The following NTN1 variants were observed in gnomAD, a reference collection of about 807,000 sequenced individuals.
NTN1 encodes netrin 1, also known as netrin-1.
NTN1 carries 11 observed loss-of-function variants against 54.2 expected under a neutral mutation model. The ratio of observed to expected loss-of-function variants is 0.20; its 90% confidence interval spans 0.13 to 0.34. NTN1 has a LOEUF of 0.34. Ranked by LOEUF, NTN1 falls within the 10% of genes least tolerant of loss-of-function variation. The pLI, the probability that NTN1 is intolerant of heterozygous loss-of-function variation, is 1.00. For synonymous variants in NTN1, 371 were observed against 382.0 expected, an observed-to-expected ratio of 0.97 and a Z score of 0.33; for missense variants, 740 against 893.1, an observed-to-expected ratio of 0.83 and a Z score of 2.18.
intron 2 of NTN1, among the ~76,000 whole-genome samples, chr17:9,148,885 A>G (rs1164408715): frequency 6.6e-6 from 1 of 151,950 alleles, no homozygotes; most frequent in Non-Finnish European, 1.5e-5. Context: ...AAAGTTAACT[A>G]AAGAGATGAA....
chr17:9,218,373 G>T (rs1716576759), intron 5 of NTN1, among the ~76,000 whole-genome samples: 1 of 152,186 alleles, frequency 6.6e-6, no homozygotes, highest in Admixed American at 6.5e-5. Context: ...TGAGAACAGT[G>T]CCCAGCGCCT....
chr17:9,209,874 G>T (rs1351559350), intron 5 of NTN1, among the ~76,000 whole-genome samples: 2 of 152,196 alleles, frequency 1.3e-5, no homozygotes, highest in African/African-American at 4.8e-5. Flanking sequence ...TGTAACCATG[G>T]TACGGAGTGG....
intron 5 of NTN1, among the ~76,000 whole-genome samples, chr17:9,185,503 G>C (rs1014337923): frequency 6.6e-6 from 1 of 152,200 alleles, no homozygotes; most frequent in African/African-American, 2.4e-5. Flanking sequence ...TGAAGGGCCA[G>C]CTCACTCAGG....
chr17:9,229,257 C>G (rs1905725639), intron 6 of NTN1, among the ~76,000 whole-genome samples: 1 of 152,114 alleles, frequency 6.6e-6, no homozygotes, highest in African/African-American at 2.4e-5. Context: ...ACCATACCGT[C>G]TGCGTGCCCC....
At chr17:9,215,193 T>C (rs1905189076) in intron 5 of NTN1, among the ~76,000 whole-genome samples, 1 of 151,938 alleles carries the variant, frequency 6.6e-6, no homozygotes, top group Non-Finnish European at 1.5e-5. Context: ...TAGTTTTTAA[T>C]ATGATCTGAA....
At chr17:9,032,963 T>TTTTC (rs1057317784) in intron 2 of NTN1, among the ~76,000 whole-genome samples, 9 of 151,246 alleles carry the variant, frequency 6.0e-5, no homozygotes, top group African/African-American at 2.2e-4. Flanking sequence ...AATCCTTTTT[T>TTTTC]TTTTTTTTTT....
chr17:9,230,517 G>A (rs1430584745), intron 6 of NTN1, among the ~76,000 whole-genome samples: 1 of 151,892 alleles, frequency 6.6e-6, no homozygotes, highest in Non-Finnish European at 1.5e-5. Context: ...GTCAGTCTGA[G>A]GTCGTGGAAT....
rs537614259 is a variant in NTN1 at position 9,210,099 on chromosome 17, G to A, written c.1412-11069G>A. Among the ~76,000 whole-genome samples the A allele has an allele frequency of 3.3e-5, 5 of 152,080 alleles. No homozygotes were observed. The South Asian group carries it at 1.0e-3, about 32-fold the overall frequency. ...AGCTCCCATGGCCCCTCAAGCTCTG[G>A]GACTCATCTCTCAGCTGCTGCCCCT... On this transcript the variant is annotated intron_variant, in intron 5 of 6. Coordinates refer to ENST00000173229, the MANE Select transcript of NTN1 (RefSeq NM_004822.3).
At chr17:9,226,430 GGGGAGGCGGTCTCGTGGGGAGGCT>G (rs1450655343) in intron 6 of NTN1, among the ~76,000 whole-genome samples, 13 of 96,794 alleles carry the variant, frequency 1.3e-4, no homozygotes, top group Admixed American at 1.0e-4. Context: ...GCGGTCTCGT[GGGGAGGCGGTCTCGTGGGGAGGCT>G]GTCTCGTGGG....
At chr17:9,047,697 CTT>C (rs560386660) in intron 2 of NTN1, among the ~76,000 whole-genome samples, 10 of 142,282 alleles carry the variant, frequency 7.0e-5, no homozygotes, top group Admixed American at 2.1e-4. Context: ...CACGAATTTT[CTT>C]TTTTTTTTTT....
chr17:9,035,608 G>A (rs767397751), intron 2 of NTN1, among the ~76,000 whole-genome samples: 4 of 152,146 alleles, frequency 2.6e-5, no homozygotes, highest in African/African-American at 7.2e-5. Flanking sequence ...TTGAGACAAG[G>A]TCTCTGTCAC....
intron 5 of NTN1, among the ~76,000 whole-genome samples, chr17:9,206,974 A>G (rs1904984154): frequency 1.3e-5 from 2 of 152,092 alleles, no homozygotes; most frequent in South Asian, 4.2e-4. Flanking sequence ...GGCTGTTTAC[A>G]GAGACTCGAG....
At chr17:9,082,712 CTT>C (rs574255075) in intron 2 of NTN1, among the ~76,000 whole-genome samples, 1 of 141,144 alleles carries the variant, frequency 7.1e-6, no homozygotes. Flanking sequence ...AGTTTCTCGC[CTT>C]TTTTTTTTTT....
intron 2 of NTN1, among the ~76,000 whole-genome samples, chr17:9,162,078 G>T (rs1204505867): frequency 6.6e-6 from 1 of 152,202 alleles, no homozygotes; most frequent in East Asian, 1.9e-4. Context: ...AGGTGGAGCA[G>T]AGCCATAGCT....
chr17:9,196,528 C>T (rs1048622356), intron 5 of NTN1, among the ~76,000 whole-genome samples: 2 of 152,226 alleles, frequency 1.3e-5, no homozygotes, highest in South Asian at 2.1e-4. Context: ...GCTGTTTGTG[C>T]GGCCACACAA....
At chr17:9,228,259 C>G (rs1597550095) in intron 6 of NTN1, among the ~76,000 whole-genome samples, 1 of 152,186 alleles carries the variant, frequency 6.6e-6, no homozygotes, top group South Asian at 2.1e-4. Context: ...CCAGTGCTCA[C>G]TGGGCAAAGC....
intron 5 of NTN1, among the ~76,000 whole-genome samples, chr17:9,191,795 A>AG (rs1446967310): frequency 6.8e-6 from 1 of 147,344 alleles, no homozygotes; most frequent in Non-Finnish European, 1.5e-5. Context: ...TGGGAGGCCA[A>AG]CGGGGGAGGA....
At chr17:9,089,145 G>C (rs1442100528) in intron 2 of NTN1, among the ~76,000 whole-genome samples, 1 of 152,152 alleles carries the variant, frequency 6.6e-6, no homozygotes, top group Non-Finnish European at 1.5e-5. Flanking sequence ...AGGCGCGGTG[G>C]CTCACGCCTG....
In NTN1 at chr17:9,117,114, A is replaced by G. The variant is rs527328004; in HGVS notation, c.1019-45699A>G. The stretch of plus-strand genomic sequence containing the variant: ...AGGCGTGAAAGGGTGCTTTTAGGAA[A>G]GTCTGGATCAGACATGATGTTATAG... On this transcript the variant is annotated intron_variant, in intron 2 of 6. Coordinates refer to ENST00000173229, the MANE Select transcript of NTN1 (RefSeq NM_004822.3). Among the ~76,000 whole-genome samples, 30 of 152,310 alleles carry G rather than the reference A, an allele frequency of 2.0e-4. 2 individuals carry two copies. The South Asian group carries it at 5.4e-3, about 27-fold the overall frequency.
Sources: allele counts gnomAD v4.1 joint callset (sites outside exome capture counted in the v4.1 genomes callset), GRCh38; gene constraint gnomAD v4.1.1; transcripts MANE v1.5; gene names NCBI Gene and HGNC (gene_info 2026-07-23, HGNC 2026-07-21).